The following RALYL variants were observed in gnomAD, a reference collection of about 807,000 sequenced individuals.
RALYL encodes RALY RNA binding protein like, also known as RNA-binding Raly-like protein.
In RALYL, 29 loss-of-function variants were observed where a neutral mutation model predicts 35.1. The observed-to-expected ratio is 0.83, with a 90% CI of 0.61 to 1.13. The LOEUF is 1.13. RALYL is among the 50% of genes most tolerant of loss of function. The pLI, the probability that RALYL is intolerant of heterozygous loss-of-function variation, is 0.00. For synonymous variants in RALYL, 120 were observed against 127.6 expected (o/e 0.94, Z 0.40); for missense variants, 359 against 360.4 (o/e 1.00, Z 0.03).
chr8:84,198,989 C>T (rs1337652177), intron 1 of RALYL, among the ~76,000 whole-genome samples: 1 of 152,116 alleles, frequency 6.6e-6, no homozygotes, highest in Non-Finnish European at 1.5e-5. Flanking sequence ...TACTAATCTT[C>T]TTTCTTTTGG....
chr8:84,498,985 G>T (rs546288192), intron 1 of RALYL, among the ~76,000 whole-genome samples: 4 of 151,920 alleles, frequency 2.6e-5, no homozygotes, highest in Non-Finnish European at 5.9e-5. Context: ...TTATTCCCTT[G>T]GATAAATAGG....
rs139179824 is a variant in RALYL, at chr8:84,408,999, A to G, written c.-23-120300A>G. On this transcript the variant is annotated intron_variant, in intron 1 of 8. Coordinates refer to ENST00000521268, the MANE Select transcript of RALYL (RefSeq NM_173848.7). The stretch of plus-strand genomic sequence containing the variant: ...TTAGCACAATGCTATAATTAACTTT[A>G]GTCATCCTGATATGGAAAAAGTAGT... 4.1e-3 allele frequency among the ~76,000 whole-genome samples: 626 copies of G among 152,246 alleles called. 6 individuals carry two copies. Among genetic ancestry groups the G allele is most frequent in the African/African-American group, 0.014 (591 of 41,560 alleles).
rs187639483 is a variant in RALYL at position 84,712,261 on chromosome 8, T to A, written c.257-62318T>A. On this transcript the variant is annotated intron_variant, in intron 2 of 8. Transcript: ENST00000521268. ...ATGGATAGAATCAGTGCAGTCTGAA[T>A]GAGCATGCACAATGGGACTATAAAT... is the stretch of plus-strand genomic sequence containing the variant. Among the ~76,000 whole-genome samples the A allele has an allele frequency of 2.0e-3, 310 of 152,284 alleles. 1 individual carries two copies. The highest frequency in any genetic ancestry group is 7.2e-3 in the African/African-American group (301 of 41,568).
intron 2 of RALYL, among the ~76,000 whole-genome samples, chr8:84,575,256 T>G (rs929617456): frequency 1.3e-5 from 2 of 152,102 alleles, no homozygotes; most frequent in Admixed American, 6.6e-5. Flanking sequence ...AACATAAACA[T>G]AAAACATAAA....
intron 1 of RALYL, among the ~76,000 whole-genome samples, chr8:84,509,858 T>G (rs1180606439): frequency 1.3e-5 from 2 of 152,176 alleles, no homozygotes; most frequent in African/African-American, 4.8e-5. Context: ...GAGCTCTCTA[T>G]TCTGTACCAC....
chr8:84,719,131 G>A (rs2132603499), intron 2 of RALYL, among the ~76,000 whole-genome samples: 1 of 152,188 alleles, frequency 6.6e-6, no homozygotes, highest in Admixed American at 6.5e-5. Flanking sequence ...TATGTATTCT[G>A]TATGTAATTG....
chr8:84,751,678 C>T (rs1241035526), intron 2 of RALYL, among the ~76,000 whole-genome samples: 2 of 151,962 alleles, frequency 1.3e-5, no homozygotes, highest in African/African-American at 2.4e-5. Context: ...AGAGTTCTTA[C>T]AAGATATGAT....
At chr8:84,420,672 G>A (rs2045423475) in intron 1 of RALYL, among the ~76,000 whole-genome samples, 1 of 127,084 alleles carries the variant, frequency 7.9e-6, no homozygotes, top group Admixed American at 8.1e-5. Context: ...GGGTTTTTAT[G>A]GTTTTAGGTC....
chr8:84,857,593 A>G (rs1463573680), intron 5 of RALYL, among the ~76,000 whole-genome samples: 2 of 152,228 alleles, frequency 1.3e-5, no homozygotes, highest in African/African-American at 4.8e-5. Context: ...AAGTTTAGCC[A>G]TCAGGTAATG....
intron 2 of RALYL, among the ~76,000 whole-genome samples, chr8:84,741,438 C>G (rs572645900): frequency 1.4e-4 from 22 of 152,118 alleles, no homozygotes; most frequent in African/African-American, 5.1e-4. Flanking sequence ...GTTGGGAAGT[C>G]CATGATCAAG....
chr8:84,543,272 T>A (rs1431884242), intron 2 of RALYL, among the ~76,000 whole-genome samples: 1 of 152,066 alleles, frequency 6.6e-6, no homozygotes, highest in African/African-American at 2.4e-5. Flanking sequence ...TTATTGTTTT[T>A]TTTTGCTGGA....
At chr8:84,319,138 G>C (rs1038628001) in intron 1 of RALYL, among the ~76,000 whole-genome samples, 36 of 152,112 alleles carry the variant, frequency 2.4e-4, no homozygotes, top group Non-Finnish European at 2.9e-5. Flanking sequence ...ATTGGCATCA[G>C]GAACTGGAAT....
At chr8:84,864,737 G>T (rs546150179) in intron 6 of RALYL, 2 of 576,398 alleles carry the variant, frequency 3.5e-6, no homozygotes, top group South Asian at 1.6e-5. Flanking sequence ...AGGGAGCTTG[G>T]CAGGCCTGGT....
intron 1 of RALYL, among the ~76,000 whole-genome samples, chr8:84,463,233 A>G (rs2051029728): frequency 6.6e-6 from 1 of 152,010 alleles, no homozygotes; most frequent in Non-Finnish European, 1.5e-5. Context: ...TCAGTTACAG[A>G]CAATTGCTCT....
chr8:84,367,324 T>TTTGTTTTTTTTTTTTTTG (rs1258283971), intron 1 of RALYL, among the ~76,000 whole-genome samples: 5 of 13,954 alleles, frequency 3.6e-4, no homozygotes, highest in Non-Finnish European at 6.0e-4. Context: ...TTGTATTTTT[T>TTTGTTTTTTTTTTTTTTG]TTTTTTTTTT....
At chr8:84,810,110 G>A (rs980313154) in intron 4 of RALYL, among the ~76,000 whole-genome samples, 1 of 152,038 alleles carries the variant, frequency 6.6e-6, no homozygotes, top group Non-Finnish European at 1.5e-5. Context: ...TCTTTCTGAT[G>A]TAGGCATTTA....
chr8:84,772,266 A>G (rs1166772122), intron 2 of RALYL, among the ~76,000 whole-genome samples: 1 of 152,130 alleles, frequency 6.6e-6, no homozygotes, highest in Non-Finnish European at 1.5e-5. Context: ...CAGCTTTAAA[A>G]TAAATATTGA....
At chr8:84,572,596 A>T (rs1232465735) in intron 2 of RALYL, among the ~76,000 whole-genome samples, 5 of 151,754 alleles carry the variant, frequency 3.3e-5, no homozygotes, top group Non-Finnish European at 7.4e-5. Context: ...ACTCATTTCA[A>T]TTCTCACCAC....
At chr8:84,883,793 G>A (rs765102443) in intron 7 of RALYL, among the ~76,000 whole-genome samples, 6 of 151,916 alleles carry the variant, frequency 3.9e-5, no homozygotes, top group Admixed American at 2.6e-4. Flanking sequence ...CAGTAGGGGC[G>A]AATAATTTTG....
Sources: allele counts gnomAD v4.1 joint callset (sites outside exome capture counted in the v4.1 genomes callset), GRCh38; gene constraint gnomAD v4.1.1; transcripts MANE v1.5; gene names NCBI Gene and HGNC (gene_info 2026-07-23, HGNC 2026-07-21).